NAV3: variants seen among roughly 807,000 people sequenced by gnomAD.
The protein encoded by NAV3 is neuron navigator 3, also known as pore membrane and/or filament interacting like protein 1.
NAV3 carries 87 observed loss-of-function variants against 244.7 expected under a neutral mutation model. That is an observed-to-expected ratio of 0.36 (90% CI 0.30 to 0.42). The LOEUF is 0.42. NAV3 is among the 20% of genes least tolerant of loss of function. The pLI, the probability that NAV3 is intolerant of heterozygous loss-of-function variation, is 1.00. For synonymous variants in NAV3, 1,126 were observed against 1,042.2 expected (o/e 1.08, Z -1.55); for missense variants, 2,663 against 2,893.3 (o/e 0.92, Z 1.83).
intron 2 of NAV3, among the ~76,000 whole-genome samples, chr12:77,764,299 A>T (rs534794292): frequency 3.7e-4 from 56 of 152,316 alleles, no homozygotes; most frequent in African/African-American, 1.3e-3. Context: ...AAAATCAATA[A>T]AATCACCCTG....
intron 2 of NAV3, among the ~76,000 whole-genome samples, chr12:77,630,980 C>G (rs190885013): frequency 8.7e-4 from 133 of 152,206 alleles, no homozygotes; most frequent in South Asian, 5.0e-3. Flanking sequence ...CACACTGTTT[C>G]CATAGCAACT....
intron 2 of NAV3, among the ~76,000 whole-genome samples, chr12:77,690,784 T>C (rs976323671): frequency 0.015 from 4 of 272 alleles, no homozygotes; most frequent in Non-Finnish European, 0.041. Context: ...ATATATAATA[T>C]ATATATAGTG....
intron 12 of NAV3, among the ~76,000 whole-genome samples, chr12:78,062,106 A>T (rs1318859135): frequency 6.6e-6 from 1 of 152,186 alleles, no homozygotes; most frequent in Non-Finnish European, 1.5e-5. Context: ...CAGTCACATA[A>T]GTAATTACAT....
At chr12:77,927,082 G>T (rs1319887266) in intron 1 of NAV3, among the ~76,000 whole-genome samples, 1 of 152,214 alleles carries the variant, frequency 6.6e-6, no homozygotes, top group Non-Finnish European at 1.5e-5. Context: ...GATACAAGAA[G>T]AAGTTAAAAG....
intron 11 of NAV3, among the ~76,000 whole-genome samples, chr12:78,051,491 T>C (rs113838757): frequency 8.4e-4 from 126 of 149,920 alleles, no homozygotes; most frequent in African/African-American, 2.9e-3. Flanking sequence ...ATTTGCTTGA[T>C]TTTTTTTTTC....
At chr12:77,965,346 A>C (rs1479223735) in intron 3 of NAV3, among the ~76,000 whole-genome samples, 2 of 152,176 alleles carry the variant, frequency 1.3e-5, no homozygotes, top group Non-Finnish European at 2.9e-5. Flanking sequence ...GGGGCCTGGC[A>C]TGGTGGCTCA....
intron 24 of NAV3, among the ~76,000 whole-genome samples, chr12:78,170,110 G>A (rs532847212): frequency 6.6e-6 from 1 of 151,618 alleles, no homozygotes; most frequent in Admixed American, 6.6e-5. Flanking sequence ...AGGTCTCCAG[G>A]CCAGGCTCTG....
chr12:77,873,978 G>C (rs1428473965), intron 1 of NAV3, among the ~76,000 whole-genome samples: 1 of 151,432 alleles, frequency 6.6e-6, no homozygotes, highest in East Asian at 2.0e-4. Context: ...TCTAGCTCCT[G>C]TCAGATCAGC....
At chr12:77,618,506 T>C (rs758771252) in intron 2 of NAV3, among the ~76,000 whole-genome samples, 4 of 152,192 alleles carry the variant, frequency 2.6e-5, no homozygotes, top group Non-Finnish European at 5.9e-5. Context: ...GTTGATACTA[T>C]TGTTAGTATT....
intron 24 of NAV3, among the ~76,000 whole-genome samples, chr12:78,171,904 A>G (rs560420575): frequency 3.3e-5 from 5 of 151,728 alleles, no homozygotes; most frequent in East Asian, 1.9e-4. Flanking sequence ...ATGTGTTTCT[A>G]TTTCCTCTAA....
At chr12:78,133,283 A>G (rs1956239826) in intron 18 of NAV3, among the ~76,000 whole-genome samples, 1 of 152,094 alleles carries the variant, frequency 6.6e-6, no homozygotes, top group African/African-American at 2.4e-5. Context: ...AAAACATAAT[A>G]TTTAAAGAGT....
chr12:77,828,833 C>A (rs1198989769), upstream of NAV3, among the ~76,000 whole-genome samples: 1 of 151,910 alleles, frequency 6.6e-6, no homozygotes, highest in East Asian at 1.9e-4. Flanking sequence ...TTTTTTCAAT[C>A]TAATTGTTCC....
chr12:77,739,421 C>G (rs964312748), intron 2 of NAV3, among the ~76,000 whole-genome samples: 35 of 152,004 alleles, frequency 2.3e-4, no homozygotes, highest in African/African-American at 8.2e-4. Context: ...TAGTATGTTT[C>G]TTCTTGAAGA....
intron 3 of NAV3, among the ~76,000 whole-genome samples, chr12:77,957,783 G>C (rs35171528): frequency 6.6e-6 from 1 of 151,940 alleles, no homozygotes; most frequent in Non-Finnish European, 1.5e-5. Flanking sequence ...TCGTGCCTTA[G>C]CCTCCCTGGA....
chr12:77,899,870 C>T (rs145111411), intron 1 of NAV3, among the ~76,000 whole-genome samples: 7 of 152,220 alleles, frequency 4.6e-5, no homozygotes, highest in Non-Finnish European at 1.0e-4. Flanking sequence ...AATGCGCTAG[C>T]ACTTTATTTA....
intron 2 of NAV3, among the ~76,000 whole-genome samples, chr12:77,789,503 T>A (rs1871072941): frequency 1.8e-5 from 1 of 57,130 alleles, no homozygotes; most frequent in South Asian, 1.4e-3. Context: ...TGATCGCTAA[T>A]GAGCTAAAAA....
rs75327278 is a variant in NAV3, at chr12:77,648,196, G to C, written c.72+75930G>C. On this transcript the variant is annotated intron_variant, in intron 2 of 8. Coordinates refer to the NAV3 transcript ENST00000550042. ...AAAAAATTTCTTTAGGGGAGTATAA[G>C]AGCCAAGAACCTGCTGGAATTTATT... Among the ~76,000 whole-genome samples the C allele has an allele frequency of 7.2e-3, 1,103 of 152,174 alleles. 18 individuals carry two copies. The highest frequency in any genetic ancestry group is 0.025 in the African/African-American group (1,053 of 41,542).
At chr12:77,901,503 A>C (rs1885287995) in intron 1 of NAV3, among the ~76,000 whole-genome samples, 2 of 152,044 alleles carry the variant, frequency 1.3e-5, no homozygotes. Flanking sequence ...TGAGGTTACG[A>C]GTTTGAGACC....
chr12:78,146,165 T>G (rs1185873322), intron 20 of NAV3, among the ~76,000 whole-genome samples: 1 of 152,096 alleles, frequency 6.6e-6, no homozygotes, highest in African/African-American at 2.4e-5. Context: ...GAATACCTTA[T>G]GGTTTATATA....
Sources: allele counts gnomAD v4.1 joint callset (sites outside exome capture counted in the v4.1 genomes callset), GRCh38; gene constraint gnomAD v4.1.1; transcripts MANE v1.5; gene names NCBI Gene and HGNC (gene_info 2026-07-23, HGNC 2026-07-21).